The following WFDC9 variants were observed in gnomAD, a reference collection of about 807,000 sequenced individuals.
WFDC9 encodes the protein protein WFDC9.
A neutral mutation model predicts 9.5 loss-of-function variants in WFDC9; 9 were observed. That is an observed-to-expected ratio of 0.95 (90% confidence interval 0.57 to 1.65). The LOEUF (loss-of-function observed/expected upper bound fraction) is 1.65. Ranked by LOEUF, WFDC9 falls within the 40% of genes most tolerant of loss-of-function variation. The pLI, the probability that WFDC9 is intolerant of heterozygous loss-of-function variation, is 0.00. For synonymous variants in WFDC9, 33 were observed against 32.3 expected, an observed-to-expected ratio of 1.02 and a Z score of -0.07; for missense variants, 87 against 106.7, an observed-to-expected ratio of 0.82 and a Z score of 0.81.
At chr20:45,610,026 T>C (rs1014897828) in intron 3 of WFDC9, 65 bp downstream of exon 3, 2 of 1,330,936 alleles carry the variant, frequency 1.5e-6, no homozygotes, top group African/African-American at 2.9e-5. Flanking sequence ...ATGCAGGCCC[T>C]GGATCAGCTA....
At position 45,610,208 on chromosome 20, in the gene WFDC9, A is replaced by C; in HGVS notation, c.-27T>G. The C allele has an allele frequency of 6.2e-7, 1 of 1,605,186 alleles. No individual in the cohort carries two copies. Among genetic ancestry groups the C allele is most frequent in the African/African-American group, 1.3e-5 (1 of 74,898 alleles). On this transcript the variant is annotated 5_prime_UTR_variant, in exon 3 of 5. Coordinates refer to ENST00000326000, the MANE Select transcript of WFDC9 (RefSeq NM_147198.4). ...GTGCTCTCTGTGTGTATTTGGGTTAAGTTCTGGCAGAAGGCAAGTCTTTTC... is the reference window on the plus strand; with the variant it reads ...GTGCTCTCTGTGTGTATTTGGGTTACGTTCTGGCAGAAGGCAAGTCTTTTC...
intron 1 of WFDC9, among the ~76,000 whole-genome samples, chr20:45,619,028 G>A (rs1982034197): frequency 1.3e-5 from 2 of 152,318 alleles, no homozygotes; most frequent in Admixed American, 1.3e-4. Flanking sequence ...CCAGGGACTT[G>A]GCTGAGGAAG....
At chr20:45,621,886 A>G (rs2145600210) in intron 1 of WFDC9, among the ~76,000 whole-genome samples, 1 of 152,304 alleles carries the variant, frequency 6.6e-6, no homozygotes, top group Admixed American at 6.5e-5. Flanking sequence ...ACTGTAATAA[A>G]TCATAGCTGC....
intron 2 of WFDC9, among the ~76,000 whole-genome samples, chr20:45,614,101 G>A (rs1568652109): frequency 6.6e-6 from 1 of 152,060 alleles, no homozygotes; most frequent in African/African-American, 2.4e-5. Flanking sequence ...TCATTCACAC[G>A]GCCTCATTCT....
chr20:45,625,472 AT>A (rs1277178398), intron 1 of WFDC9, among the ~76,000 whole-genome samples: 1 of 152,092 alleles, frequency 6.6e-6, no homozygotes, highest in Non-Finnish European at 1.5e-5. Flanking sequence ...ATATAATCCA[AT>A]TTACCTATTT....
At chr20:45,610,051 G>A (rs774172733) in intron 3 of WFDC9, 40 bp downstream of exon 3, 2 of 1,564,044 alleles carry the variant, frequency 1.3e-6, no homozygotes, top group South Asian at 2.2e-5. Flanking sequence ...AGACATCCCA[G>A]GACTGGGCAG....
chr20:45,620,159 T>C (rs919148956), intron 1 of WFDC9, among the ~76,000 whole-genome samples: 1 of 152,206 alleles, frequency 6.6e-6, no homozygotes, highest in Non-Finnish European at 1.5e-5. Flanking sequence ...TTAAGTAGCG[T>C]TATTTGTTTT....
intron 1 of WFDC9, among the ~76,000 whole-genome samples, chr20:45,617,067 T>C (rs1023147529): frequency 6.6e-6 from 1 of 152,194 alleles, no homozygotes; most frequent in African/African-American, 2.4e-5. Flanking sequence ...TGTGTCTTCA[T>C]TGAAAATCTG....
intron 1 of WFDC9, chr20:45,629,712 A>G (rs1248509547): frequency 1.4e-6 from 2 of 1,427,536 alleles, no homozygotes; most frequent in African/African-American, 1.4e-5. Context: ...GTGAGGAGCT[A>G]AAGATCATTC....
intron 3 of WFDC9, among the ~76,000 whole-genome samples, chr20:45,609,196 T>C (rs1600915808): frequency 6.6e-6 from 1 of 151,796 alleles, no homozygotes; most frequent in South Asian, 2.1e-4. Flanking sequence ...ACTTACTTTT[T>C]TTCCCCTTCT....
chr20:45,614,849 T>C (rs1442678518), intron 1 of WFDC9, 128 bp from the exon 2 acceptor site: 1 of 152,206 alleles, frequency 6.6e-6, no homozygotes, highest in Non-Finnish European at 1.5e-5. Context: ...TTTCCTTTGA[T>C]ATTCACCCAT....
At chr20:45,612,258 T>C (rs1981876186) in intron 2 of WFDC9, among the ~76,000 whole-genome samples, 2 of 152,206 alleles carry the variant, frequency 1.3e-5, no homozygotes, top group Non-Finnish European at 2.9e-5. Context: ...CATTTTAATC[T>C]GTTTAGATTC....
At chr20:45,612,192 T>C (rs978907227) in intron 2 of WFDC9, among the ~76,000 whole-genome samples, 1 of 152,230 alleles carries the variant, frequency 6.6e-6, no homozygotes, top group Non-Finnish European at 1.5e-5. Flanking sequence ...CTCTGGATAT[T>C]TGAAAACTAT....
At chr20:45,621,080 A>G (rs1982087348) in intron 1 of WFDC9, among the ~76,000 whole-genome samples, 2 of 152,108 alleles carry the variant, frequency 1.3e-5, no homozygotes, top group Admixed American at 6.5e-5. Flanking sequence ...CTCTTCAGAC[A>G]TCTATTGGAT....
chr20:45,618,710 C>T (rs1005204981), intron 1 of WFDC9, among the ~76,000 whole-genome samples: 5 of 152,156 alleles, frequency 3.3e-5, no homozygotes, highest in Non-Finnish European at 4.4e-5. Flanking sequence ...CACTCCAAAG[C>T]AATTACAATA....
rs1982204690 is a variant in WFDC9, at chr20:45,625,807, C to CTTCTTTTTTTTTTTT, written c.-153+5395_-153+5396insAAAAAAAAAAAAGAA. Among the ~76,000 whole-genome samples the CTTCTTTTTTTTTTTT allele has an allele frequency of 1.9e-4, 9 of 46,410 alleles. 1 individual carries two copies. Among genetic ancestry groups the CTTCTTTTTTTTTTTT allele is most frequent in the Admixed American group, 6.2e-4 (2 of 3,216 alleles). The allele number at this position is 46,410 out of a possible 152,430, so 30.4% of individuals were successfully genotyped here. ...TGGATTTATTTCTAGGTTCTCTATTCTTTTTTTTTTTTTTTTTTTTTTTTT... is the reference window on the plus strand; with the variant it reads ...TGGATTTATTTCTAGGTTCTCTATTCTTCTTTTTTTTTTTTTTTTTTTTTTTTTTTTTTTTTTTTT... On this transcript the variant is annotated intron_variant, in intron 1 of 4. Coordinates refer to ENST00000326000, the MANE Select transcript of WFDC9 (RefSeq NM_147198.4).
At chr20:45,630,036 C>G in intron 1 of WFDC9, 2 of 1,291,238 alleles carry the variant, frequency 1.5e-6, no homozygotes, top group Non-Finnish European at 2.1e-6. Flanking sequence ...GTTGTGTAGA[C>G]TCTGGACTGT....
At chr20:45,622,061 A>G (rs1452245308) in intron 1 of WFDC9, among the ~76,000 whole-genome samples, 1 of 148,996 alleles carries the variant, frequency 6.7e-6, no homozygotes, top group Non-Finnish European at 1.5e-5. Flanking sequence ...CAGGCTTTCA[A>G]AAAGGGTCTT....
intron 2 of WFDC9, among the ~76,000 whole-genome samples, chr20:45,612,176 ATCC>A (rs1981874029): frequency 6.6e-6 from 1 of 152,142 alleles, no homozygotes; most frequent in Non-Finnish European, 1.5e-5. Context: ...AGCTCAGAAT[ATCC>A]TCCTCTGGAT....
Sources: gnomAD v4.1 joint callset for allele counts (sites outside exome capture counted in the v4.1 genomes callset) on GRCh38, gnomAD v4.1.1 for gene constraint, MANE v1.5 for transcripts, NCBI Gene and HGNC (gene_info 2026-07-23, HGNC 2026-07-21) for gene names.